The following SGCZ variants were observed in gnomAD, a reference collection of about 807,000 sequenced individuals.
SGCZ encodes the protein zeta-sarcoglycan.
SGCZ carries 40 observed loss-of-function variants against 41.3 expected under a neutral mutation model. The ratio of observed to expected loss-of-function variants is 0.97; its 90% CI spans 0.75 to 1.26. The LOEUF is 1.26. SGCZ is among the 50% of genes most tolerant of loss of function. The probability of loss-of-function intolerance (pLI) is 0.00; values close to 1 mark genes in which losing one functional copy is unlikely to be tolerated. For missense variants in SGCZ, 552 were observed against 369.8 expected (o/e 1.49, Z -4.04); for synonymous variants, 206 against 137.5 (o/e 1.50, Z -3.49).
chr8:14,823,220 A>C (rs553746901), intron 1 of SGCZ, among the ~76,000 whole-genome samples: 18 of 152,226 alleles, frequency 1.2e-4, no homozygotes, highest in African/African-American at 3.6e-4. Flanking sequence ...AAAAGCAAAA[A>C]TATACAAACA....
intron 2 of SGCZ, among the ~76,000 whole-genome samples, chr8:14,367,606 G>A (rs1331998079): frequency 6.6e-6 from 1 of 152,084 alleles, no homozygotes; most frequent in East Asian, 1.9e-4. Flanking sequence ...GAAAGAGGAG[G>A]AAAGGTACAT....
At chr8:15,205,949 G>C (rs1323628602) in intron 1 of SGCZ, among the ~76,000 whole-genome samples, 2 of 152,190 alleles carry the variant, frequency 1.3e-5, no homozygotes, top group Non-Finnish European at 2.9e-5. Flanking sequence ...CATGGGTGAA[G>C]CTGGAGGCTA....
chr8:15,012,473 A>G (rs7014059), intron 1 of SGCZ, among the ~76,000 whole-genome samples: 40,140 of 142,950 alleles, frequency 0.28, 6,690 homozygotes, highest in African/African-American at 0.46. Flanking sequence ...AAAAATAAAT[A>G]TAAATATATA....
At chr8:14,737,059 A>G (rs1799058590) in intron 1 of SGCZ, among the ~76,000 whole-genome samples, 1 of 149,568 alleles carries the variant, frequency 6.7e-6, no homozygotes, top group Non-Finnish European at 1.5e-5. Context: ...CTATATATCT[A>G]TATAACAGTA....
At chr8:14,397,236 T>C (rs1396006195) in intron 2 of SGCZ, among the ~76,000 whole-genome samples, 1 of 152,180 alleles carries the variant, frequency 6.6e-6, no homozygotes, top group East Asian at 1.9e-4. Flanking sequence ...GAGATGAGGC[T>C]ATTTATAATT....
chr8:14,432,180 G>A (rs1411975376), intron 2 of SGCZ, among the ~76,000 whole-genome samples: 1 of 152,140 alleles, frequency 6.6e-6, no homozygotes, highest in South Asian at 2.1e-4. Flanking sequence ...CCACTACTGG[G>A]TATCTACCCA....
chr8:15,219,785 G>A (rs1243285586), intron 1 of SGCZ, among the ~76,000 whole-genome samples: 2 of 152,112 alleles, frequency 1.3e-5, no homozygotes, highest in African/African-American at 4.8e-5. Flanking sequence ...TGAATTTGAA[G>A]GCGAAATAGC....
intron 1 of SGCZ, among the ~76,000 whole-genome samples, chr8:14,962,882 T>C (rs1464961947): frequency 1.3e-5 from 2 of 152,168 alleles, no homozygotes; most frequent in Admixed American, 6.5e-5. Context: ...TTCTTTTCCA[T>C]TGCAGACATG....
At chr8:14,780,198 C>T (rs1800545151) in intron 1 of SGCZ, among the ~76,000 whole-genome samples, 1 of 151,868 alleles carries the variant, frequency 6.6e-6, no homozygotes, top group Non-Finnish European at 1.5e-5. Context: ...CACGGTGAAA[C>T]CCCGTCCCTA....
At chr8:14,873,690 T>G (rs1804247317) in intron 1 of SGCZ, among the ~76,000 whole-genome samples, 1 of 152,122 alleles carries the variant, frequency 6.6e-6, no homozygotes, top group South Asian at 2.1e-4. Context: ...ATAGGTCAAC[T>G]CTCATTGGAA....
intron 2 of SGCZ, among the ~76,000 whole-genome samples, chr8:14,519,377 T>A (rs1186765300): frequency 6.6e-6 from 1 of 152,078 alleles, no homozygotes; most frequent in African/African-American, 2.4e-5. Context: ...TGAAGAAATA[T>A]GGAAAAGTTT....
rs529310244 is a variant in SGCZ, at chr8:15,178,333, T to C, written c.39+59252A>G. Among the ~76,000 whole-genome samples, 24 of 152,284 alleles carry C rather than the reference T, an allele frequency of 1.6e-4. No homozygotes were observed. The East Asian group carries it at 4.3e-3, about 27-fold the overall frequency. Reference sequence around the variant, plus strand: ...AAATATTACAGCATTTTACAATGTCTAAAAGACATTGTAGCGCAGAGATCT... The same window carrying C: ...AAATATTACAGCATTTTACAATGTCCAAAAGACATTGTAGCGCAGAGATCT... On this transcript the variant is annotated intron_variant, in intron 1 of 7. Coordinates refer to ENST00000382080, the MANE Select transcript of SGCZ (RefSeq NM_139167.4).
At chr8:14,785,343 A>G (rs1225974985) in intron 1 of SGCZ, among the ~76,000 whole-genome samples, 1 of 152,176 alleles carries the variant, frequency 6.6e-6, no homozygotes, top group African/African-American at 2.4e-5. Flanking sequence ...AAAGAATGTG[A>G]AATATTAAAA....
At chr8:15,045,430 A>G (rs577519189) in intron 1 of SGCZ, among the ~76,000 whole-genome samples, 2 of 152,180 alleles carry the variant, frequency 1.3e-5, no homozygotes, top group African/African-American at 2.4e-5. Flanking sequence ...AAATCTCCAT[A>G]TTTTTAGACC....
intron 7 of SGCZ, among the ~76,000 whole-genome samples, chr8:14,092,752 G>T (rs1311935959): frequency 6.6e-6 from 1 of 151,974 alleles, no homozygotes; most frequent in Non-Finnish European, 1.5e-5. Context: ...GGCCTCCCCA[G>T]CCTCGTGGAA....
intron 4 of SGCZ, among the ~76,000 whole-genome samples, chr8:14,181,828 G>A (rs984598616): frequency 2.6e-5 from 4 of 152,116 alleles, no homozygotes; most frequent in African/African-American, 7.2e-5. Context: ...TCAGCCTTGG[G>A]TATGTCTTTC....
chr8:14,903,929 C>T (rs1374078721), intron 1 of SGCZ, among the ~76,000 whole-genome samples: 2 of 151,970 alleles, frequency 1.3e-5, no homozygotes, highest in African/African-American at 4.8e-5. Flanking sequence ...AGGGTTAAAA[C>T]ATTAACTCAA....
chr8:14,651,011 T>C (rs975597489), intron 1 of SGCZ, among the ~76,000 whole-genome samples: 1 of 152,094 alleles, frequency 6.6e-6, no homozygotes, highest in African/African-American at 2.4e-5. Context: ...ATTTGATAAA[T>C]GCAGACTTAT....
intron 2 of SGCZ, among the ~76,000 whole-genome samples, chr8:14,348,120 G>A (rs1802954876): frequency 6.6e-6 from 1 of 151,980 alleles, no homozygotes; most frequent in African/African-American, 2.4e-5. Flanking sequence ...TGGTTCATCT[G>A]CAACTCAGCT....
Sources: gnomAD v4.1 joint callset for allele counts (sites outside exome capture counted in the v4.1 genomes callset) on GRCh38, gnomAD v4.1.1 for gene constraint, MANE v1.5 for transcripts, NCBI Gene and HGNC (gene_info 2026-07-23, HGNC 2026-07-21) for gene names.